The following CPA6 variants were observed in gnomAD, a reference collection of about 807,000 sequenced individuals.
CPA6 encodes carboxypeptidase A6, also known as carboxypeptidase B.
A neutral mutation model predicts 63.3 loss-of-function variants in CPA6; 58 were observed. The ratio of observed to expected loss-of-function variants is 0.92; its 90% confidence interval spans 0.74 to 1.14. The LOEUF (loss-of-function observed/expected upper bound fraction) is 1.14. Among genes scored for constraint, CPA6 ranks in the 50% most tolerant of loss-of-function variants. The pLI, the probability that CPA6 is intolerant of heterozygous loss-of-function variation, is 0.00. For missense variants in CPA6, 565 were observed against 526.6 expected (o/e 1.07, Z -0.71); for synonymous variants, 185 against 179.0 (o/e 1.03, Z -0.27).
intron 8 of CPA6, among the ~76,000 whole-genome samples, chr8:67,449,631 ATTGCTG>A (rs761164162): frequency 9.9e-5 from 15 of 151,944 alleles, no homozygotes; most frequent in Non-Finnish European, 1.8e-4. Context: ...CAGATTCTTG[ATTGCTG>A]TTGCTGTTGT....
At chr8:67,705,003 T>C (rs1817102943) in intron 1 of CPA6, among the ~76,000 whole-genome samples, 1 of 152,120 alleles carries the variant, frequency 6.6e-6, no homozygotes, top group Admixed American at 6.6e-5. Flanking sequence ...AGGACAGGGC[T>C]AAAGAGAAGG....
intron 2 of CPA6, among the ~76,000 whole-genome samples, chr8:67,550,458 G>A (rs1367755640): frequency 2.0e-5 from 3 of 152,154 alleles, no homozygotes; most frequent in African/African-American, 7.2e-5. Flanking sequence ...GGGCATCTAT[G>A]TTGATTCCAT....
chr8:67,597,508 A>G (rs944516317), intron 2 of CPA6, among the ~76,000 whole-genome samples: 1 of 152,000 alleles, frequency 6.6e-6, no homozygotes, highest in African/African-American at 2.4e-5. Context: ...TGTGTCTTTT[A>G]TCTTGCATTT....
intron 1 of CPA6, among the ~76,000 whole-genome samples, chr8:67,643,099 A>G (rs1430941984): frequency 6.6e-6 from 1 of 152,244 alleles, no homozygotes; most frequent in Non-Finnish European, 1.5e-5. Context: ...AAAAATGTAC[A>G]AAATATATCA....
chr8:67,449,758 C>T (rs202007949), intron 8 of CPA6, among the ~76,000 whole-genome samples: 1 of 151,888 alleles, frequency 6.6e-6, no homozygotes, highest in Non-Finnish European at 1.5e-5. Flanking sequence ...TCCTGTCCTC[C>T]ACCTCCACCT....
chr8:67,501,429 A>T (rs1435135553), intron 6 of CPA6, among the ~76,000 whole-genome samples: 3 of 151,964 alleles, frequency 2.0e-5, no homozygotes, highest in African/African-American at 7.2e-5. Flanking sequence ...CTGTTGAAAA[A>T]TTTCCCCTCT....
At chr8:67,468,170 T>A (rs944212430) in intron 8 of CPA6, among the ~76,000 whole-genome samples, 3 of 152,162 alleles carry the variant, frequency 2.0e-5, no homozygotes, top group Non-Finnish European at 4.4e-5. Flanking sequence ...ACATAGACTG[T>A]TAGTTAAGAA....
chr8:67,733,929 C>A (rs2129003379), intron 1 of CPA6, among the ~76,000 whole-genome samples: 1 of 144,500 alleles, frequency 6.9e-6, no homozygotes, highest in Admixed American at 7.6e-5. Context: ...GGCTGGAGCG[C>A]AGTGGTGCAA....
chr8:67,685,396 T>C (rs1336180019), intron 1 of CPA6, among the ~76,000 whole-genome samples: 1 of 152,210 alleles, frequency 6.6e-6, no homozygotes, highest in East Asian at 1.9e-4. Context: ...GGCAGGTGGA[T>C]CACGAGGTCA....
intron 1 of CPA6, among the ~76,000 whole-genome samples, chr8:67,666,254 A>G (rs553372687): frequency 1.6e-4 from 24 of 152,256 alleles, no homozygotes; most frequent in Middle Eastern, 3.4e-3. Context: ...GTGGGAACTT[A>G]TGTAAAGGAT....
At chr8:67,531,192 CA>C (rs1225696413) in intron 2 of CPA6, among the ~76,000 whole-genome samples, 2 of 151,558 alleles carry the variant, frequency 1.3e-5, no homozygotes, top group Non-Finnish European at 2.9e-5. Flanking sequence ...ATATTATCAA[CA>C]GGGGAAGGGT....
At chr8:67,742,710 C>T (rs915406258) in intron 1 of CPA6, among the ~76,000 whole-genome samples, 2 of 152,106 alleles carry the variant, frequency 1.3e-5, no homozygotes, top group Non-Finnish European at 2.9e-5. Context: ...GATAAGGAAA[C>T]CTCAGTTTAA....
At chr8:67,627,203 G>A (rs1417054072) in intron 1 of CPA6, among the ~76,000 whole-genome samples, 1 of 152,108 alleles carries the variant, frequency 6.6e-6, no homozygotes, top group East Asian at 1.9e-4. Flanking sequence ...AGCCCAACAA[G>A]AGCTCTTTAT....
intron 2 of CPA6, among the ~76,000 whole-genome samples, chr8:67,622,641 A>G (rs191917681): frequency 6.6e-6 from 1 of 152,322 alleles, no homozygotes; most frequent in Admixed American, 6.5e-5. Context: ...TTTGAAGGGG[A>G]ACATGCCAAA....
chr8:67,714,372 C>T (rs1273500731), intron 1 of CPA6, among the ~76,000 whole-genome samples: 1 of 152,170 alleles, frequency 6.6e-6, no homozygotes, highest in Non-Finnish European at 1.5e-5. Flanking sequence ...GATGATTCCC[C>T]AAAGATCTTA....
At chr8:67,683,991 A>G (rs1816652072) in intron 1 of CPA6, among the ~76,000 whole-genome samples, 1 of 107,608 alleles carries the variant, frequency 9.3e-6, no homozygotes, top group Non-Finnish European at 1.8e-5. Context: ...TGTCTGGCTG[A>G]TTTTAAAATG....
intron 2 of CPA6, among the ~76,000 whole-genome samples, chr8:67,584,877 T>C (rs1241464587): frequency 6.6e-6 from 1 of 152,174 alleles, no homozygotes; most frequent in Non-Finnish European, 1.5e-5. Flanking sequence ...AGCCAACATC[T>C]CCGATGTGGT....
rs529176673 is a variant in CPA6 at position 67,543,716 on chromosome 8, C to T, written c.193-25669G>A. 3.3e-5 allele frequency among the ~76,000 whole-genome samples: 5 copies of T among 152,118 alleles called. No individual in the cohort carries two copies. In the South Asian group the frequency reaches 1.0e-3, roughly 32 times the overall value. ...TATATGTTCACATTGTTGTGAAACA[C>T]ATCTCCAGACCTTTTTCATTTATAC... On this transcript the variant is annotated intron_variant, in intron 2 of 10. Coordinates refer to ENST00000297770, the MANE Select transcript of CPA6 (RefSeq NM_020361.5).
intron 1 of CPA6, among the ~76,000 whole-genome samples, chr8:67,654,418 A>C (rs981734988): frequency 3.3e-5 from 5 of 152,162 alleles, no homozygotes; most frequent in African/African-American, 1.2e-4. Context: ...CCACAATTTC[A>C]GAGCCTGTTA....
Sources: allele counts gnomAD v4.1 joint callset (sites outside exome capture counted in the v4.1 genomes callset), GRCh38; gene constraint gnomAD v4.1.1; transcripts MANE v1.5; gene names NCBI Gene and HGNC (gene_info 2026-07-23, HGNC 2026-07-21).